Variants in UGT1A8 observed in about 807,000 individuals in gnomAD.
The protein encoded by UGT1A8 is UDP glucuronosyltransferase family 1 member A8, also known as UDP-glucuronosyltransferase 1A8.
In UGT1A8, 39 loss-of-function variants were observed where a neutral mutation model predicts 45.3. That is an observed-to-expected ratio of 0.86 (90% CI 0.67 to 1.12). The LOEUF is 1.12. Ranked by LOEUF, UGT1A8 falls within the 50% of genes most tolerant of loss-of-function variation. The probability of loss-of-function intolerance (pLI) is 0.00; values close to 1 mark genes in which losing one functional copy is unlikely to be tolerated. For missense variants in UGT1A8, 719 were observed against 664.9 expected (o/e 1.08, Z -0.90); for synonymous variants, 275 against 249.2 (o/e 1.10, Z -0.97).
rs140737584 is a variant in UGT1A8 at position 233,618,435 on chromosome 2, A to T, written c.728A>T (p.Asp243Val). ...EILQTPVTAY[D>V]LYSHTSIWLL... ...CTCCAAACACCTGTCACAGCATATG[A>T]TCTCTACAGCCACACATCAATTTGG... The change falls in exon 1 of 5, where the codon GAT (aspartate) becomes GTT (valine). Residue 243 changes from aspartate to valine, a missense_variant. Physicochemically the swap from Asp to Val is radical, Grantham distance 152. Coordinates refer to ENST00000373450, the MANE Select transcript of UGT1A8 (RefSeq NM_019076.5). 3.7e-6 allele frequency: 6 copies of T among 1,613,750 alleles called. No individual in the cohort carries two copies. In the African/African-American group the frequency reaches 6.7e-5, roughly 18 times the overall value.
chr2:233,704,870 A>G (rs2075810941), intron 1 of UGT1A8, among the ~76,000 whole-genome samples: 1 of 152,098 alleles, frequency 6.6e-6, no homozygotes, highest in Admixed American at 6.5e-5. Flanking sequence ...ACGGTGGCTC[A>G]CTCCTGTAAT....
rs1377722142 is a variant in UGT1A8 at position 233,725,198 on chromosome 2, AGAGGCAGAGGCAGAGGCAGAG to A, written c.856-41819_856-41799del. Reference sequence around the variant, plus strand: ...CGTGGGGAGAGGCAGAGGCAGAGGCAGAGGCAGAGGCAGAGGCAGAGGAGGCAGAGGCAGAGGAGGCAGAGG... The same window carrying A: ...CGTGGGGAGAGGCAGAGGCAGAGGCAGAGGCAGAGGCAGAGGAGGCAGAGG... On this transcript the variant is annotated intron_variant, in intron 1 of 4. Coordinates refer to ENST00000373450, the MANE Select transcript of UGT1A8 (RefSeq NM_019076.5). 4.5e-3 allele frequency among the ~76,000 whole-genome samples: 386 copies of A among 86,592 alleles called. 89 individuals carry two copies. Among genetic ancestry groups the A allele is most frequent in the African/African-American group, 0.033 (341 of 10,250 alleles). The allele number at this position is 86,592 out of a possible 152,430, so 56.8% of individuals were successfully genotyped here. A position where few individuals can be genotyped will look rare whatever the true frequency, so the allele number is the denominator to read the frequency against.
intron 1 of UGT1A8, among the ~76,000 whole-genome samples, chr2:233,726,714 A>C (rs1575568254): frequency 2.0e-5 from 3 of 152,340 alleles, no homozygotes; most frequent in Admixed American, 2.0e-4. Flanking sequence ...GGTTTGAGGA[A>C]GTACAATGTA....
At chr2:233,713,679 C>G in intron 1 of UGT1A8, 1 of 1,613,972 alleles carries the variant, frequency 6.2e-7, no homozygotes, top group Non-Finnish European at 8.5e-7. Context: ...TGTTTCTGCT[C>G]CTTATGCAAG....
At chr2:233,627,766 G>A (rs2073116343) in intron 1 of UGT1A8, among the ~76,000 whole-genome samples, 1 of 151,586 alleles carries the variant, frequency 6.6e-6, no homozygotes, top group African/African-American at 2.4e-5. Flanking sequence ...CTCAGCCTAT[G>A]GTCCCAATCA....
intron 1 of UGT1A8, among the ~76,000 whole-genome samples, chr2:233,745,590 G>A (rs565744032): frequency 1.3e-5 from 2 of 151,664 alleles, no homozygotes; most frequent in Admixed American, 6.5e-5. Context: ...CCTGAGACCC[G>A]GACTTGGCAC....
chr2:233,668,250 C>A (rs1348386316), intron 1 of UGT1A8, among the ~76,000 whole-genome samples: 1 of 152,124 alleles, frequency 6.6e-6, no homozygotes, highest in African/African-American at 2.4e-5. Context: ...ATTCCCCGCC[C>A]TGTGTCCAAG....
chr2:233,747,343 T>A (rs1575682738), intron 1 of UGT1A8: 1 of 1,603,348 alleles, frequency 6.2e-7, no homozygotes, highest in East Asian at 2.2e-5. Flanking sequence ...CTGGCTCGCA[T>A]GCGGGAGGCC....
chr2:233,707,137 G>A (rs574638671), intron 1 of UGT1A8, among the ~76,000 whole-genome samples: 22 of 152,242 alleles, frequency 1.4e-4, no homozygotes, highest in East Asian at 9.7e-4. Flanking sequence ...TTTCTATCCC[G>A]GAGGTCACTG....
At chr2:233,724,307 C>A (rs2077214825) in intron 1 of UGT1A8, among the ~76,000 whole-genome samples, 1 of 146,936 alleles carries the variant, frequency 6.8e-6, no homozygotes, top group Non-Finnish European at 1.5e-5. Flanking sequence ...CCACCTCCCT[C>A]CCGGACGGGG....
chr2:233,693,455 C>A, intron 1 of UGT1A8: 1 of 1,614,054 alleles, frequency 6.2e-7, no homozygotes. Flanking sequence ...TTTCACAGAC[C>A]CAGCCTTACC....
At chr2:233,713,913 A>G in intron 1 of UGT1A8, 1 of 1,612,556 alleles carries the variant, frequency 6.2e-7, no homozygotes, top group Non-Finnish European at 8.5e-7. Context: ...CTTTTTAAAA[A>G]ATGTATTTAC....
chr2:233,638,963 A>G (rs1033606965), intron 1 of UGT1A8, among the ~76,000 whole-genome samples: 7 of 152,220 alleles, frequency 4.6e-5, no homozygotes, highest in African/African-American at 1.7e-4. Context: ...GTTATCCTCC[A>G]TTAATTACAG....
intron 1 of UGT1A8, chr2:233,755,366 T>A (rs938544322): frequency 6.9e-5 from 25 of 362,910 alleles, no homozygotes; most frequent in African/African-American, 5.3e-4. Flanking sequence ...CTGGGCCGCC[T>A]GGAGGGCCGC....
At chr2:233,767,192 A>G (rs752013731) in intron 2 of UGT1A8, 27 bp downstream of exon 2, 12 of 1,613,678 alleles carry the variant, frequency 7.4e-6, no homozygotes, top group Non-Finnish European at 9.3e-6. Flanking sequence ...CCATGGCCTC[A>G]TATCTATTTT....
intron 1 of UGT1A8, among the ~76,000 whole-genome samples, chr2:233,655,850 C>A (rs545197897): frequency 7.4e-4 from 113 of 152,366 alleles, no homozygotes; most frequent in African/African-American, 2.4e-3. Flanking sequence ...GTTCCCCCAT[C>A]CCCTCACTCC....
At position 233,643,853 on chromosome 2, in the gene UGT1A8, G is replaced by A. The variant is rs567766038; in HGVS notation, c.855+25291G>A. ...GTTCAGAAATGTCATCTGGAAGCTA[G>A]GGCCTGGCACAGGGGCCTCATGATT... On this transcript the variant is annotated intron_variant, in intron 1 of 4. Coordinates refer to ENST00000373450, the MANE Select transcript of UGT1A8 (RefSeq NM_019076.5). Among the ~76,000 whole-genome samples the A allele has an allele frequency of 2.0e-5, 3 of 152,302 alleles. No individual in the cohort carries two copies. The East Asian group carries it at 5.8e-4, about 29-fold the overall frequency.
At chr2:233,681,023 T>C (rs1387868807) in intron 1 of UGT1A8, among the ~76,000 whole-genome samples, 2 of 151,718 alleles carry the variant, frequency 1.3e-5, no homozygotes, top group African/African-American at 4.8e-5. Context: ...CTCAGAAGAT[T>C]TGGAAATGAA....
chr2:233,693,708 C>G, intron 1 of UGT1A8: 1 of 1,614,214 alleles, frequency 6.2e-7, no homozygotes, highest in East Asian at 2.2e-5. Flanking sequence ...CTCGCATCAG[C>G]TGTCCTCAAG....
Sources: allele counts gnomAD v4.1 joint callset (sites outside exome capture counted in the v4.1 genomes callset), GRCh38; gene constraint gnomAD v4.1.1; transcripts MANE v1.5; gene names NCBI Gene and HGNC (gene_info 2026-07-23, HGNC 2026-07-21).